Variants in ANKFN1 observed in about 807,000 individuals in gnomAD.
ANKFN1 encodes the protein ankyrin repeat and fibronectin type III domain containing 1, also known as ankyrin repeat and fibronectin type-III domain-containing protein 1.
A neutral mutation model predicts 108.7 loss-of-function variants in ANKFN1; 74 were observed. The ratio of observed to expected loss-of-function variants is 0.68; its 90% CI spans 0.56 to 0.83. The LOEUF is 0.83. ANKFN1 is among the 40% of genes least tolerant of loss of function. The pLI is 0.00. For synonymous variants in ANKFN1, 547 were observed against 516.2 expected (o/e 1.06, Z -0.81); for missense variants, 1,505 against 1,382.3 (o/e 1.09, Z -1.41).
intron 3 of ANKFN1, among the ~76,000 whole-genome samples, chr17:56,304,585 GGTT>G (rs993925903): frequency 6.6e-6 from 1 of 152,030 alleles, no homozygotes; most frequent in African/African-American, 2.4e-5. Context: ...TTTCCAGAAT[GGTT>G]GTACAATTTC....
rs1598601298 is a variant in ANKFN1 at position 56,433,144 on chromosome 17, G to A, written c.911-7183G>A. Among the ~76,000 whole-genome samples, 6 of 152,190 alleles carry A rather than the reference G, an allele frequency of 3.9e-5. No homozygotes were observed. In the South Asian group the frequency reaches 1.0e-3, roughly 26 times the overall value. ...AATAAAACACACAATACTCTTTATTGTAGATTCTTTATCACCCATTGATTC... is the reference window on the plus strand; with the variant it reads ...AATAAAACACACAATACTCTTTATTATAGATTCTTTATCACCCATTGATTC... On this transcript the variant is annotated intron_variant, in intron 8 of 20. Coordinates refer to ENST00000682825, the MANE Select transcript of ANKFN1 (RefSeq NM_001370326.1).
At position 56,256,067 on chromosome 17, in the gene ANKFN1, T is replaced by C. The variant is rs184837111; in HGVS notation, c.53+28110T>C. 2.2e-3 allele frequency among the ~76,000 whole-genome samples: 334 copies of C among 152,254 alleles called. 2 individuals carry two copies. The highest frequency in any genetic ancestry group is 7.7e-3 in the African/African-American group (320 of 41,564). On this transcript the variant is annotated intron_variant, in intron 3 of 20. Coordinates refer to ENST00000682825, the MANE Select transcript of ANKFN1 (RefSeq NM_001370326.1). The stretch of plus-strand genomic sequence containing the variant: ...ATAGTAATTTTGCCTGAAGAAAGAA[T>C]GTATCATGAGCTGAACCCTGCCCCA...
At position 56,326,370 on chromosome 17, in the gene ANKFN1, C is replaced by G. The variant is rs371135667; in HGVS notation, c.188+15C>G. On this transcript the variant is annotated intron_variant, in intron 4 of 20. Transcript: ENST00000682825. ...AGCATAAACTGGTAAGTCAAATTTA[C>G]TGTTGTCTTTCTTCATGTGAATATG... 1.9e-6 allele frequency: 3 copies of G among 1,604,062 alleles called. No individual in the cohort carries two copies. Among genetic ancestry groups the G allele is most frequent in the Non-Finnish European group, 2.5e-6 (3 of 1,176,544 alleles).
intron 4 of ANKFN1, among the ~76,000 whole-genome samples, chr17:56,328,180 A>AT (rs369557810): frequency 3.9e-5 from 6 of 152,184 alleles, no homozygotes; most frequent in Non-Finnish European, 7.4e-5. Flanking sequence ...ACATGGAAGT[A>AT]TTTTTTTCAG....
chr17:56,258,765 G>A (rs189355512), intron 3 of ANKFN1, among the ~76,000 whole-genome samples: 3 of 152,186 alleles, frequency 2.0e-5, no homozygotes, highest in Admixed American at 6.5e-5. Flanking sequence ...AAAAAAATTA[G>A]CCGGGCATGG....
chr17:56,131,138 C>G (rs372843120), intron 4 of ANKFN1, among the ~76,000 whole-genome samples: 5 of 152,202 alleles, frequency 3.3e-5, no homozygotes, highest in African/African-American at 1.2e-4. Flanking sequence ...AAATTCCAGG[C>G]AGATAAAGGG....
chr17:56,339,471 C>T (rs2045905419), intron 4 of ANKFN1, among the ~76,000 whole-genome samples: 1 of 152,114 alleles, frequency 6.6e-6, no homozygotes, highest in Non-Finnish European at 1.5e-5. Flanking sequence ...ATCCTTCACC[C>T]TCTGAAAGGC....
Position 56,515,930 on chromosome 17 carries a change from G to A in ANKFN1, c.*4661G>A, listed in dbSNP as rs537289795. On this transcript the variant is annotated 3_prime_UTR_variant, in exon 21 of 21. Coordinates refer to ENST00000682825, the MANE Select transcript of ANKFN1 (RefSeq NM_001370326.1). ...CTATTGTGATAAAGGAAGTAGATTT[G>A]TTGTTGTTTTAAATATTATCATAGG... Among the ~76,000 whole-genome samples the A allele has an allele frequency of 6.6e-6, 1 of 152,254 alleles. No individual in the cohort carries two copies. Among genetic ancestry groups the A allele is most frequent in the East Asian group, 1.9e-4 (1 of 5,186 alleles).
chr17:56,358,110 C>T (rs980296446), intron 6 of ANKFN1, among the ~76,000 whole-genome samples: 3 of 152,156 alleles, frequency 2.0e-5, no homozygotes, highest in African/African-American at 7.2e-5. Flanking sequence ...ATCTGCTCCT[C>T]TTCTAATGAC....
At chr17:56,381,141 G>A (rs976512773) in intron 8 of ANKFN1, among the ~76,000 whole-genome samples, 11 of 152,184 alleles carry the variant, frequency 7.2e-5, no homozygotes, top group Admixed American at 4.6e-4. Flanking sequence ...AAAATCTGCT[G>A]TTCTGCAGCC....
chr17:56,466,621 A>G (rs1036104173), intron 15 of ANKFN1, 50 bp downstream of exon 15: 3 of 1,486,774 alleles, frequency 2.0e-6, no homozygotes, highest in East Asian at 4.9e-5. Flanking sequence ...TTCCAAACCC[A>G]ATTATTGAAG....
At chr17:56,077,679 C>G (rs1381048419) in intron 4 of ANKFN1, among the ~76,000 whole-genome samples, 1 of 152,194 alleles carries the variant, frequency 6.6e-6, no homozygotes, top group African/African-American at 2.4e-5. Flanking sequence ...AAGTGCTGAT[C>G]TTCCTTTCAA....
intron 3 of ANKFN1, among the ~76,000 whole-genome samples, chr17:56,308,589 C>A (rs1021788546): frequency 6.6e-6 from 1 of 152,066 alleles, no homozygotes; most frequent in African/African-American, 2.4e-5. Flanking sequence ...CTATTACTGA[C>A]TAGAACTCAC....
chr17:56,122,894 G>A (rs960784053), intron 4 of ANKFN1, among the ~76,000 whole-genome samples: 2 of 152,152 alleles, frequency 1.3e-5, no homozygotes, highest in African/African-American at 4.8e-5. Flanking sequence ...CTTCCATTTG[G>A]GTGGAGCTCA....
intron 10 of ANKFN1, among the ~76,000 whole-genome samples, chr17:56,445,004 C>G (rs569374981): frequency 6.6e-6 from 1 of 152,330 alleles, no homozygotes; most frequent in East Asian, 1.9e-4. Flanking sequence ...CCTAAGGTCC[C>G]TGACTCTCCT....
intron 4 of ANKFN1, among the ~76,000 whole-genome samples, chr17:56,055,600 C>CACACATATATATATATACACATAT (rs1567778636): frequency 3.0e-5 from 1 of 33,618 alleles, no homozygotes; most frequent in African/African-American, 1.3e-4. Context: ...TATATATACA[C>CACACATATATATATATACACATAT]ATTTTTTTAT....
At chr17:56,321,312 C>T (rs934329558) in intron 3 of ANKFN1, among the ~76,000 whole-genome samples, 1 of 151,822 alleles carries the variant, frequency 6.6e-6, no homozygotes, top group Non-Finnish European at 1.5e-5. Flanking sequence ...AAAAAAGAAT[C>T]GGAGCCGTTA....
chr17:56,299,301 T>G (rs1598373296), intron 3 of ANKFN1, among the ~76,000 whole-genome samples: 1 of 152,092 alleles, frequency 6.6e-6, no homozygotes, highest in Non-Finnish European at 1.5e-5. Flanking sequence ...CCTTCCAGTG[T>G]TCCCTGGGCT....
chr17:56,475,513 A>G (rs1261784568), intron 15 of ANKFN1, among the ~76,000 whole-genome samples: 1 of 152,162 alleles, frequency 6.6e-6, no homozygotes, highest in Non-Finnish European at 1.5e-5. Context: ...TCCATTCCAT[A>G]TAGAATTCTA....
Sources: gnomAD v4.1 joint callset for allele counts (sites outside exome capture counted in the v4.1 genomes callset) on GRCh38, gnomAD v4.1.1 for gene constraint, MANE v1.5 for transcripts, NCBI Gene and HGNC (gene_info 2026-07-23, HGNC 2026-07-21) for gene names.